MFAP5: variants seen among roughly 807,000 people sequenced by gnomAD.
MFAP5 encodes microfibrillar-associated protein 5.
MFAP5 carries 19 observed loss-of-function variants against 30.1 expected under a neutral mutation model. The observed-to-expected ratio is 0.63, with a 90% confidence interval of 0.44 to 0.93. The LOEUF (loss-of-function observed/expected upper bound fraction) is 0.93. Ranked by LOEUF, MFAP5 falls within the 40% of genes least tolerant of loss-of-function variation. The probability of loss-of-function intolerance (pLI) is 0.00; values close to 1 mark genes in which losing one functional copy is unlikely to be tolerated. For synonymous variants in MFAP5, 92 were observed against 72.9 expected, an observed-to-expected ratio of 1.26 and a Z score of -1.33; for missense variants, 210 against 221.3, an observed-to-expected ratio of 0.95 and a Z score of 0.32.
chr12:8,662,493 C>T (rs969082803), intron 1 of MFAP5, 134 bp downstream of exon 1: 16 of 218,984 alleles, frequency 7.3e-5, no homozygotes, highest in Non-Finnish European at 1.0e-4. Flanking sequence ...CAGAATTCCA[C>T]GGTTATTTGG....
Position 8,650,569 on chromosome 12 carries a change from T to C in MFAP5, c.268A>G (p.Thr90Ala). The C allele has an allele frequency of 6.2e-7, 1 of 1,613,920 alleles. No homozygotes were observed. Among genetic ancestry groups the C allele is most frequent in the Non-Finnish European group, 8.5e-7 (1 of 1,179,998 alleles). Residue 90 changes from threonine to alanine, a missense_variant, in exon 8 of 10, where the codon ACC becomes GCC. Physicochemically the swap from Thr to Ala is moderately conservative, Grantham distance 58. Coordinates refer to ENST00000359478, the MANE Select transcript of MFAP5 (RefSeq NM_003480.4). ...TTAECWDEKF[T>A]CTRLYSVHRP... ...TGCACAGAGTAGAGCCTTGTGCAGGTAAATTTCTCATCCCAGCACTCTGAG... is the reference window on the plus strand; with the variant it reads ...TGCACAGAGTAGAGCCTTGTGCAGGCAAATTTCTCATCCCAGCACTCTGAG...
intron 9 of MFAP5, 77 bp downstream of exon 9, chr12:8,649,424 G>T: frequency 7.4e-7 from 1 of 1,342,302 alleles, no homozygotes; most frequent in South Asian, 1.2e-5. Context: ...ACCAGACTTT[G>T]GATATAGTAA....
rs2289383 is a variant in MFAP5, at chr12:8,650,260, C to T, written c.335+242G>A. 0.056 allele frequency: 27,932 copies of T among 495,362 alleles called. 924 individuals carry two copies. The highest frequency in any genetic ancestry group is 0.08 in the Middle Eastern group (144 of 1,804). 30.7% of individuals were successfully genotyped at this position (495,362 alleles called of 1,614,324 possible). ...GAGCATGCCAGTATTTCCCTCATGA[C>T]CCTTCTTCCTCCAGCGCCCACCTTC... is the stretch of plus-strand genomic sequence containing the variant. On this transcript the variant is annotated intron_variant, in intron 8 of 9. Coordinates refer to ENST00000359478, the MANE Select transcript of MFAP5 (RefSeq NM_003480.4).
At position 8,662,087 on chromosome 12, in the gene MFAP5, G is replaced by C. The variant is rs1942167466; in HGVS notation, c.18C>G (p.Pro6=). 3.1e-6 allele frequency: 5 copies of C among 1,613,718 alleles called. No individual in the cohort carries two copies. The highest frequency in any genetic ancestry group is 3.4e-6 in the Non-Finnish European group (4 of 1,179,986). MSLLG[P]KVLLFLAAFI... is the part of the protein sequence containing the mutation. ...ATGCAGCAAGAAACAGCAGCACCTTGGGTCCCAAGAGCGACATATCTATAG... is the reference window on the plus strand; with the variant it reads ...ATGCAGCAAGAAACAGCAGCACCTTCGGTCCCAAGAGCGACATATCTATAG... The change falls in exon 2 of 10, where the codon CCC becomes CCG. Residue 6 remains proline, a synonymous_variant. Transcript: ENST00000359478.
chr12:8,650,243 C>T, intron 8 of MFAP5: 1 of 449,894 alleles, frequency 2.2e-6, no homozygotes, highest in Non-Finnish European at 4.1e-6. Flanking sequence ...TTGAGCATGC[C>T]AGTATTTCCC....
chr12:8,657,388 C>T (rs1489201056), intron 3 of MFAP5, among the ~76,000 whole-genome samples: 1 of 151,740 alleles, frequency 6.6e-6, no homozygotes, highest in Non-Finnish European at 1.5e-5. Context: ...CATTGCACTC[C>T]AGCCTGGGTG....
At chr12:8,648,298 T>G (rs1443308348) in intron 9 of MFAP5, 95 bp from the exon 10 acceptor site, 1 of 1,093,088 alleles carries the variant, frequency 9.1e-7, no homozygotes, top group Non-Finnish European at 1.3e-6. Context: ...TGTGGTGTAG[T>G]GAAAAGGTTG....
At chr12:8,659,969 A>G (rs1049196391) in intron 3 of MFAP5, among the ~76,000 whole-genome samples, 1 of 152,170 alleles carries the variant, frequency 6.6e-6, no homozygotes, top group African/African-American at 2.4e-5. Context: ...AGAAATAAAG[A>G]GATAAATTAT....
rs1941726996 is a variant in MFAP5, at chr12:8,647,946, G to A, written c.*145C>T. 3.6e-6 allele frequency: 2 copies of A among 549,720 alleles called. No individual in the cohort carries two copies. Among genetic ancestry groups the A allele is most frequent in the South Asian group, 5.6e-5 (2 of 35,664 alleles). 34.1% of individuals were successfully genotyped at this position (549,720 alleles called of 1,614,324 possible). A position where few individuals can be genotyped will look rare whatever the true frequency, so the allele number is the denominator to read the frequency against. On this transcript the variant is annotated 3_prime_UTR_variant, in exon 10 of 10. Transcript: ENST00000359478. ...AAATGTTATCAGTTTGGGTGAAAAA[G>A]TAGAGAGTAGGGGTAAAAGCTGGAC...
At chr12:8,654,147 T>A (rs1237794018) in intron 6 of MFAP5, 9 of 250,964 alleles carry the variant, frequency 3.6e-5, no homozygotes, top group Non-Finnish European at 5.9e-5. Context: ...AAAAAAAAAA[T>A]TCAGTCAAAG....
At chr12:8,649,431 G>A (rs1481948508) in intron 9 of MFAP5, 70 bp downstream of exon 9, 2 of 1,399,714 alleles carry the variant, frequency 1.4e-6, no homozygotes, top group African/African-American at 2.8e-5. Flanking sequence ...TTTGGATATA[G>A]TAATATCATG....
At chr12:8,649,447 A>G in intron 9 of MFAP5, 54 bp downstream of exon 9, 2 of 1,514,170 alleles carry the variant, frequency 1.3e-6, no homozygotes, top group African/African-American at 1.4e-5. Flanking sequence ...TCATGTCCCT[A>G]TCTACCCTTC....
At chr12:8,648,260 G>A (rs866012300) in intron 9 of MFAP5, 57 bp from the exon 10 acceptor site, 2 of 1,415,626 alleles carry the variant, frequency 1.4e-6, no homozygotes, top group Non-Finnish European at 2.0e-6. Context: ...AAAGGCTCTT[G>A]TTTTAAGGGA....
chr12:8,659,140 C>T (rs576430217), intron 3 of MFAP5, among the ~76,000 whole-genome samples: 3 of 151,940 alleles, frequency 2.0e-5, no homozygotes, highest in Admixed American at 6.6e-5. Flanking sequence ...GAAACCCTGT[C>T]TCTACTAAAT....
intron 9 of MFAP5, chr12:8,648,518 C>T: frequency 7.7e-7 from 1 of 1,291,860 alleles, no homozygotes; most frequent in Non-Finnish European, 1.0e-6. Flanking sequence ...TGTTAGTTTC[C>T]TTTATATATC....
At chr12:8,656,210 G>A (rs12827904) in intron 3 of MFAP5, among the ~76,000 whole-genome samples, 11,801 of 150,192 alleles carry the variant, frequency 0.079, 487 homozygotes, top group Middle Eastern at 0.1. Flanking sequence ...ACAGGCGCCC[G>A]CCACAGCGCC....
At chr12:8,650,666 GGATA>G in intron 7 of MFAP5, 77 bp from the exon 8 acceptor site, 1 of 1,259,574 alleles carries the variant, frequency 7.9e-7, no homozygotes, top group Non-Finnish European at 1.2e-6. Flanking sequence ...GAATTGGGAA[GGATA>G]GATAGAGTAG....
rs748966979 is a variant in MFAP5, at chr12:8,651,678, T to C, written c.231A>G (p.Glu77=). 26 of 1,613,920 alleles carry C rather than the reference T, an allele frequency of 1.6e-5. No homozygotes were observed. The highest frequency in any genetic ancestry group is 3.3e-4 in the Middle Eastern group (2 of 6,084). Residue 77 remains glutamate, a synonymous_variant, in exon 7 of 10, where the codon GAA becomes GAG. Coordinates refer to ENST00000359478, the MANE Select transcript of MFAP5 (RefSeq NM_003480.4). ...PSTDDLASLS[E]KNTTAECWDE... The stretch of plus-strand genomic sequence containing the variant: ...CAATCATACCTGCAGTGGTATTTTT[T>C]TCACTGAGGGAGGCTGAAAGGCAGA...
intron 5 of MFAP5, 120 bp downstream of exon 5, chr12:8,655,292 AAAC>A: frequency 2.9e-6 from 3 of 1,021,572 alleles, no homozygotes; most frequent in Non-Finnish European, 4.2e-6. Context: ...TCTCAAAAAC[AAAC>A]AACAATAACA....
Sources: allele counts gnomAD v4.1 joint callset (sites outside exome capture counted in the v4.1 genomes callset), GRCh38; gene constraint gnomAD v4.1.1; transcripts MANE v1.5; gene names NCBI Gene and HGNC (gene_info 2026-07-23, HGNC 2026-07-21).